The following TTC7B variants were observed in gnomAD, a reference collection of about 807,000 sequenced individuals.
TTC7B encodes tetratricopeptide repeat protein 7B.
In TTC7B, 28 loss-of-function variants were observed where a neutral mutation model predicts 106.8. The ratio of observed to expected loss-of-function variants is 0.26; its 90% CI spans 0.19 to 0.36. The LOEUF is 0.36. TTC7B is among the 10% of genes least tolerant of loss of function. TTC7B has a pLI of 1.00. For missense variants in TTC7B, 862 were observed against 1,076.4 expected, an observed-to-expected ratio of 0.80 and a Z score of 2.79; for synonymous variants, 405 against 430.6, an observed-to-expected ratio of 0.94 and a Z score of 0.74.
At chr14:90,643,572 T>C (rs1353758787) in intron 15 of TTC7B, among the ~76,000 whole-genome samples, 1 of 150,588 alleles carries the variant, frequency 6.6e-6, no homozygotes, top group African/African-American at 2.5e-5. Flanking sequence ...GTTTTTTGTT[T>C]GTTTGTTTGT....
At chr14:90,723,839 T>C (rs897299147) in intron 5 of TTC7B, among the ~76,000 whole-genome samples, 1 of 152,190 alleles carries the variant, frequency 6.6e-6, no homozygotes, top group Non-Finnish European at 1.5e-5. Flanking sequence ...GGACTATGTC[T>C]CTTATATTGG....
In TTC7B at chr14:90,536,913, G is replaced by T. The variant is rs139052559; in HGVS notation, c.*4455C>A. The T allele has an allele frequency of 0.016, 2,369 of 152,562 alleles. 35 individuals carry two copies. Among genetic ancestry groups the T allele is most frequent in the Middle Eastern group, 0.043 (13 of 300 alleles). The allele number at this position is 152,562 out of a possible 1,614,324, so 9.5% of individuals were successfully genotyped here. ...GCAATGGCCCTGGACTATCCAGGGG[G>T]CCCAGAGCAACCAGCAGAGTCCTTA... On this transcript the variant is annotated 3_prime_UTR_variant, in exon 20 of 20. Transcript: ENST00000328459.
intron 18 of TTC7B, among the ~76,000 whole-genome samples, chr14:90,585,955 T>G (rs1255637457): frequency 3.9e-5 from 6 of 152,354 alleles, no homozygotes. Flanking sequence ...TCAGCGGCAC[T>G]GCCCACCGGC....
At chr14:90,639,604 C>T (rs1254107185) in intron 15 of TTC7B, among the ~76,000 whole-genome samples, 1 of 152,120 alleles carries the variant, frequency 6.6e-6, no homozygotes, top group Non-Finnish European at 1.5e-5. Context: ...ACTAATACAA[C>T]CCCTTTGAAA....
Position 90,663,899 on chromosome 14 carries a change from C to T in TTC7B, c.1153-5512G>A, listed in dbSNP as rs1270896647. ...CGCCGGCTTTGGAAAAGCACCCAGA[C>T]AGCTTCAGATGCTCCTGAAATGCTG... On this transcript the variant is annotated intron_variant, in intron 9 of 19. Transcript: ENST00000328459. This position sits in a 1 kb window ranked among gnomAD's most constrained non-coding sequence, Gnocchi z 4.5. 6.6e-6 allele frequency among the ~76,000 whole-genome samples: 1 copy of T among 152,216 alleles called. No individual in the cohort carries two copies. Among genetic ancestry groups the T allele is most frequent in the Non-Finnish European group, 1.5e-5 (1 of 68,042 alleles).
At position 90,525,067 on chromosome 14, in the gene TTC7B, T is replaced by C. The variant is rs1265884105; in HGVS notation, c.*16301A>G. 6.6e-6 allele frequency: 1 copy of C among 152,168 alleles called. No homozygotes were observed. The highest frequency in any genetic ancestry group is 2.4e-5 in the African/African-American group (1 of 41,428). The allele number at this position is 152,168 out of a possible 1,614,324, so 9.4% of individuals were successfully genotyped here. A position where few individuals can be genotyped will look rare whatever the true frequency, so the allele number is the denominator to read the frequency against. ...ATCCATCACCCTCAAAATGTCTTTA[T>C]CATCTTTGAAACCCCTCCCTCTGGC... On this transcript the variant is annotated 3_prime_UTR_variant, in exon 20 of 20. Transcript: ENST00000328459.
At chr14:90,765,190 AAAG>A (rs1396666495) in intron 3 of TTC7B, among the ~76,000 whole-genome samples, 4 of 152,246 alleles carry the variant, frequency 2.6e-5, no homozygotes, top group Non-Finnish European at 4.4e-5. Context: ...TGCTAAATGA[AAAG>A]AAGCCAGATA....
chr14:90,704,056 T>C (rs1292694315), intron 5 of TTC7B, among the ~76,000 whole-genome samples: 1 of 152,212 alleles, frequency 6.6e-6, no homozygotes, highest in Non-Finnish European at 1.5e-5. Context: ...GGGGAAGGAC[T>C]GGCCAACGGG....
At chr14:90,695,977 A>T (rs956273744) in intron 5 of TTC7B, among the ~76,000 whole-genome samples, 3 of 152,272 alleles carry the variant, frequency 2.0e-5, no homozygotes, top group African/African-American at 7.2e-5. Context: ...ACCGTGTGCA[A>T]CATGGGTAAG....
chr14:90,741,467 G>T (rs1181158736), intron 4 of TTC7B, among the ~76,000 whole-genome samples: 1 of 152,162 alleles, frequency 6.6e-6, no homozygotes, highest in Non-Finnish European at 1.5e-5. Flanking sequence ...GGAAGTGACA[G>T]GGCACCATGG....
chr14:90,723,184 C>T (rs1165669982), intron 5 of TTC7B, among the ~76,000 whole-genome samples: 2 of 152,160 alleles, frequency 1.3e-5, no homozygotes, highest in African/African-American at 4.8e-5. Context: ...AAGGCTGAAA[C>T]TGGGGAGTCA....
At chr14:90,719,516 A>G (rs1487955557) in intron 5 of TTC7B, among the ~76,000 whole-genome samples, 1 of 152,134 alleles carries the variant, frequency 6.6e-6, no homozygotes, top group East Asian at 1.9e-4. Context: ...CCCTTGGAAG[A>G]CCCTGAAGAC....
At position 90,684,467 on chromosome 14, in the gene TTC7B, T is replaced by A. The variant is rs548886888; in HGVS notation, c.951-3932A>T. ...AAGCACTGTTCCTATTAGCCCCAAA[T>A]GGGAAACAACTCAAACTCACAACAC... On this transcript the variant is annotated intron_variant, in intron 7 of 19. Coordinates refer to ENST00000328459, the MANE Select transcript of TTC7B (RefSeq NM_001010854.2). Among the ~76,000 whole-genome samples, 10 of 152,134 alleles carry A rather than the reference T, an allele frequency of 6.6e-5. No individual in the cohort carries two copies. The East Asian group carries it at 1.7e-3, about 26-fold the overall frequency.
chr14:90,695,041 A>ATAT (rs1887665312), intron 6 of TTC7B, among the ~76,000 whole-genome samples: 1 of 43,008 alleles, frequency 2.3e-5, no homozygotes, highest in Non-Finnish European at 4.7e-5. Flanking sequence ...TTTTTATTTT[A>ATAT]TTATAAAATA....
chr14:90,625,999 C>T (rs1884422084), intron 15 of TTC7B, among the ~76,000 whole-genome samples: 1 of 152,120 alleles, frequency 6.6e-6, no homozygotes, highest in South Asian at 2.1e-4. Context: ...TGGGAGCTTG[C>T]AAGAAATAGA....
At chr14:90,699,804 G>C (rs993482532) in intron 5 of TTC7B, among the ~76,000 whole-genome samples, 1 of 152,168 alleles carries the variant, frequency 6.6e-6, no homozygotes, top group African/African-American at 2.4e-5. Context: ...CCAAGGCCAG[G>C]TTGGTCCCTG....
At chr14:90,604,692 A>G (rs1892568195) in intron 17 of TTC7B, among the ~76,000 whole-genome samples, 1 of 152,218 alleles carries the variant, frequency 6.6e-6, no homozygotes, top group African/African-American at 2.4e-5. Context: ...GGCAGTGAAC[A>G]TTAAATAAAT....
rs147443716 is a variant in TTC7B at position 90,550,132 on chromosome 14, T to C, written c.2311-8543A>G. 3.9e-5 allele frequency among the ~76,000 whole-genome samples: 6 copies of C among 152,238 alleles called. No homozygotes were observed. The East Asian group carries it at 1.2e-3, about 29-fold the overall frequency. On this transcript the variant is annotated intron_variant, in intron 19 of 19. Coordinates refer to ENST00000328459, the MANE Select transcript of TTC7B (RefSeq NM_001010854.2). ...AGCACTGGCCTCGAGATAAGCAATA[T>C]TGAAACAATTGCAGCTCACCTACCC... is the stretch of plus-strand genomic sequence containing the variant.
intron 5 of TTC7B, among the ~76,000 whole-genome samples, chr14:90,714,404 C>T (rs906502869): frequency 2.0e-5 from 3 of 151,602 alleles, no homozygotes; most frequent in African/African-American, 7.3e-5. Context: ...ACTTTTCGAG[C>T]TAAAGGGAAT....
Sources: gnomAD v4.1 joint callset for allele counts (sites outside exome capture counted in the v4.1 genomes callset) on GRCh38, gnomAD v4.1.1 for gene constraint, Gnocchi (gnomAD v3.1) non-coding constraint, MANE v1.5 for transcripts, NCBI Gene and HGNC (gene_info 2026-07-23, HGNC 2026-07-21) for gene names.